TRPM3: variants seen among roughly 807,000 people sequenced by gnomAD.
TRPM3 encodes long transient receptor potential channel 3.
A neutral mutation model predicts 181.2 loss-of-function variants in TRPM3; 77 were observed. That is an observed-to-expected ratio of 0.42 (90% confidence interval 0.35 to 0.51). The LOEUF is 0.51. Ranked by LOEUF, TRPM3 falls within the 20% of genes least tolerant of loss-of-function variation. TRPM3 has a pLI of 0.01. For synonymous variants in TRPM3, 745 were observed against 796.4 expected (o/e 0.94, Z 1.09); for missense variants, 1,759 against 2,196.7 (o/e 0.80, Z 3.98).
At chr9:70,869,021 C>G in intron 1 of TRPM3, 1 of 985,170 alleles carries the variant, frequency 1.0e-6, no homozygotes, top group Non-Finnish European at 1.2e-6. Flanking sequence ...AAAAGCAGTC[C>G]CCGGAGCAGC....
intron 1 of TRPM3, among the ~76,000 whole-genome samples, chr9:70,944,821 T>A (rs2133602079): frequency 6.6e-6 from 1 of 152,254 alleles, no homozygotes; most frequent in Admixed American, 6.5e-5. Flanking sequence ...AGGAGATGTT[T>A]ATGCTCACTT....
At chr9:71,229,098 T>C (rs1200020563) in intron 1 of TRPM3, among the ~76,000 whole-genome samples, 2 of 152,136 alleles carry the variant, frequency 1.3e-5, no homozygotes, top group African/African-American at 4.8e-5. Context: ...CCAGACAGCA[T>C]GGTACTGGCA....
chr9:71,321,576 G>C (rs57543185), intron 1 of TRPM3, among the ~76,000 whole-genome samples: 2 of 152,044 alleles, frequency 1.3e-5, no homozygotes, highest in African/African-American at 2.4e-5. Flanking sequence ...AATAAACAGG[G>C]TTAAACACTG....
intron 1 of TRPM3, among the ~76,000 whole-genome samples, chr9:71,007,998 G>GA (rs961081232): frequency 6.6e-6 from 1 of 151,772 alleles, no homozygotes; most frequent in Non-Finnish European, 1.5e-5. Context: ...TGCATTTTTT[G>GA]AAAAGATAAA....
intron 1 of TRPM3, among the ~76,000 whole-genome samples, chr9:70,931,722 A>G (rs2096777004): frequency 6.6e-6 from 1 of 152,030 alleles, no homozygotes; most frequent in Admixed American, 6.6e-5. Context: ...TACTTTTTGG[A>G]TTAGCGCAAA....
rs571045291 is a variant in TRPM3 at position 70,811,342 on chromosome 9, C to T, written c.973+16505G>A. The T allele has an allele frequency of 2.7e-5, 28 of 1,027,386 alleles. No individual in the cohort carries two copies. In the East Asian group the frequency reaches 4.7e-4, roughly 17 times the overall value. 63.6% of individuals were successfully genotyped at this position (1,027,386 alleles called of 1,614,324 possible). ...TACCCAATTTACATAAATTTATATA[C>T]GTGATGGCAACTCAAGTTGCACAGT... On this transcript the variant is annotated intron_variant, in intron 6 of 25. Coordinates refer to ENST00000677713, the MANE Select transcript of TRPM3 (RefSeq NM_001366145.2).
At chr9:71,383,363 G>A (rs143762257) in intron 1 of TRPM3, among the ~76,000 whole-genome samples, 1 of 152,092 alleles carries the variant, frequency 6.6e-6, no homozygotes, top group Non-Finnish European at 1.5e-5. Flanking sequence ...CTTGTAAACT[G>A]ACCACTATGG....
rs117279829 is a variant in TRPM3, at chr9:71,211,459, G to A, written c.183+235194C>T. ...CAAAGTTTCAGTGTCCCATATATTC[G>A]TTTCCTAGGGCTGTGTAACAAAATG... is the stretch of plus-strand genomic sequence containing the variant. On this transcript the variant is annotated intron_variant, in intron 1 of 24. Transcript: ENST00000357533. 8.0e-3 allele frequency among the ~76,000 whole-genome samples: 1,211 copies of A among 150,822 alleles called. 2 individuals carry two copies. The highest frequency in any genetic ancestry group is 0.012 in the Non-Finnish European group (791 of 67,818).
intron 1 of TRPM3, among the ~76,000 whole-genome samples, chr9:71,055,596 G>T (rs2060573235): frequency 6.6e-6 from 1 of 151,958 alleles, no homozygotes; most frequent in African/African-American, 2.4e-5. Context: ...TCAGCTCTCA[G>T]AATTCAAATA....
At chr9:71,390,233 G>C (rs1334089692) in intron 1 of TRPM3, among the ~76,000 whole-genome samples, 2 of 151,962 alleles carry the variant, frequency 1.3e-5, no homozygotes, top group Admixed American at 6.6e-5. Context: ...AAAATTATTA[G>C]GAGTATATTT....
At chr9:71,096,114 T>C (rs2067144984) in intron 1 of TRPM3, among the ~76,000 whole-genome samples, 1 of 152,038 alleles carries the variant, frequency 6.6e-6, no homozygotes, top group South Asian at 2.1e-4. Context: ...AGTATGATTT[T>C]AAGTGAAGTT....
At chr9:71,256,493 A>AAG (rs1231707626) in intron 1 of TRPM3, among the ~76,000 whole-genome samples, 1 of 152,144 alleles carries the variant, frequency 6.6e-6, no homozygotes, top group African/African-American at 2.4e-5. Context: ...TGAGAACTCC[A>AAG]AGAGAGAGTG....
rs1402989986 is a variant in TRPM3, at chr9:70,537,334, G to A, written c.3779C>T (p.Thr1260Ile). The A allele has an allele frequency of 1.3e-6, 2 of 1,518,728 alleles. No homozygotes were observed. Among genetic ancestry groups the A allele is most frequent in the East Asian group, 2.3e-5 (1 of 43,756 alleles). The allele number at this position is 1,518,728 out of a possible 1,614,324, so 94.1% of individuals were successfully genotyped here. A position where few individuals can be genotyped will look rare whatever the true frequency, so the allele number is the denominator to read the frequency against. ...CAGCTGCGCCAGCCGGATGTCCACG[G>A]TCTGGAGTGAAGCCTTCATGGAGTG... ...REHSMKASLQ[T>I]VDIRLAQLED... The change falls in exon 26 of 26, where the codon ACC becomes ATC. Residue 1260 changes from threonine to isoleucine, a missense_variant. Coordinates refer to ENST00000677713, the MANE Select transcript of TRPM3 (RefSeq NM_001366145.2).
chr9:71,032,670 T>A lies in TRPM3; in HGVS notation c.177+88508A>T, dbSNP rs546401370. ...TTCAATAAGAACTTAATTGGGGAGG[T>A]TTGGAGATATATTTGTTGATTAGAG... is the stretch of plus-strand genomic sequence containing the variant. On this transcript the variant is annotated intron_variant, in intron 1 of 25. Transcript: ENST00000677713. 6.2e-4 allele frequency among the ~76,000 whole-genome samples: 94 copies of A among 152,146 alleles called. 2 individuals are homozygous for A. The highest frequency in any genetic ancestry group is 3.4e-4 in the Non-Finnish European group (23 of 67,992).
At chr9:71,106,418 T>G (rs1322124568) in intron 1 of TRPM3, among the ~76,000 whole-genome samples, 2 of 152,124 alleles carry the variant, frequency 1.3e-5, no homozygotes, top group African/African-American at 2.4e-5. Context: ...ACAGATCTGG[T>G]TGTTTAAATA....
chr9:71,429,178 G>A (rs150006426), intron 1 of TRPM3, among the ~76,000 whole-genome samples: 28 of 152,258 alleles, frequency 1.8e-4, no homozygotes, highest in Non-Finnish European at 4.0e-4. Context: ...AGAGGGATAA[G>A]AGTAAATGTT....
intron 20 of TRPM3, among the ~76,000 whole-genome samples, chr9:70,601,840 C>T (rs1374896890): frequency 6.6e-6 from 1 of 152,198 alleles, no homozygotes; most frequent in African/African-American, 2.4e-5. Context: ...AATCTCCCTG[C>T]TCGAGTCCTT....
At chr9:71,088,549 T>C (rs1454296939) in intron 1 of TRPM3, among the ~76,000 whole-genome samples, 1 of 152,126 alleles carries the variant, frequency 6.6e-6, no homozygotes, top group Non-Finnish European at 1.5e-5. Context: ...ATGCTGCTTC[T>C]CTCTGGCTCT....
chr9:70,938,007 G>T (rs1021012233), intron 1 of TRPM3, among the ~76,000 whole-genome samples: 1 of 152,162 alleles, frequency 6.6e-6, no homozygotes, highest in Non-Finnish European at 1.5e-5. Flanking sequence ...CAGTTCCTCA[G>T]TATATCCTGT....
Sources: allele counts gnomAD v4.1 joint callset (sites outside exome capture counted in the v4.1 genomes callset), GRCh38; gene constraint gnomAD v4.1.1; transcripts MANE v1.5; gene names NCBI Gene and HGNC (gene_info 2026-07-23, HGNC 2026-07-21).